Variants in MIDEAS observed in about 807,000 individuals in gnomAD.
The protein encoded by MIDEAS is mitotic deacetylase associated SANT domain protein, also known as mitotic deacetylase-associated SANT domain protein.
Under a neutral mutation model 102.7 loss-of-function variants are expected in MIDEAS, and 26 were observed. The observed-to-expected ratio is 0.25, with a 90% CI of 0.19 to 0.35. MIDEAS has a LOEUF of 0.35. MIDEAS is among the 10% of genes least tolerant of loss of function. The pLI is 1.00. For missense variants in MIDEAS, 1,231 were observed against 1,435.6 expected (o/e 0.86, Z 2.30); for synonymous variants, 585 against 591.0 (o/e 0.99, Z 0.15).
intron 3 of MIDEAS, among the ~76,000 whole-genome samples, chr14:73,732,661 C>T (rs1712761489): frequency 6.6e-6 from 1 of 151,334 alleles, no homozygotes; most frequent in Non-Finnish European, 1.5e-5. Flanking sequence ...TGGTGGGCGC[C>T]TGTAATCCCA....
intron 1 of MIDEAS, among the ~76,000 whole-genome samples, chr14:73,782,354 A>T (rs1048875785): frequency 1.3e-5 from 2 of 152,078 alleles, no homozygotes; most frequent in African/African-American, 4.8e-5. Context: ...TGCCCTCCTC[A>T]CAGTCTATAT....
At chr14:73,776,323 C>T (rs2053688151) in intron 1 of MIDEAS, among the ~76,000 whole-genome samples, 1 of 151,900 alleles carries the variant, frequency 6.6e-6, no homozygotes, top group Non-Finnish European at 1.5e-5. Context: ...CTTCTGGGCA[C>T]ATAACATTCC....
intron 1 of MIDEAS, among the ~76,000 whole-genome samples, chr14:73,780,457 GT>G (rs1275039869): frequency 6.6e-6 from 1 of 152,216 alleles, no homozygotes; most frequent in Non-Finnish European, 1.5e-5. Context: ...CCCCGTCATG[GT>G]TTATAAGGGA....
intron 3 of MIDEAS, among the ~76,000 whole-genome samples, chr14:73,730,777 G>A (rs1236846129): frequency 1.3e-5 from 2 of 152,258 alleles, no homozygotes; most frequent in South Asian, 2.1e-4. Flanking sequence ...TGGCCAACAT[G>A]GCAAAACCCT....
upstream of MIDEAS, among the ~76,000 whole-genome samples, chr14:73,764,330 A>C (rs1431246776): frequency 4.1e-5 from 5 of 122,176 alleles, no homozygotes; most frequent in Non-Finnish European, 6.6e-5. Context: ...ACAGAGGGAG[A>C]CCCTGTCTCA....
chr14:73,747,306 C>T (rs1417905166), intron 1 of MIDEAS, among the ~76,000 whole-genome samples: 3 of 152,116 alleles, frequency 2.0e-5, no homozygotes, highest in Non-Finnish European at 2.9e-5. Context: ...GTCCAGGAGC[C>T]GCCACTCACT....
chr14:73,746,622 C>T (rs935138637), intron 1 of MIDEAS, among the ~76,000 whole-genome samples: 4 of 152,220 alleles, frequency 2.6e-5, no homozygotes, highest in Non-Finnish European at 4.4e-5. Flanking sequence ...CCTCCCTTCC[C>T]TTCTGGAAAG....
Position 73,718,921 on chromosome 14 carries a change from C to T in MIDEAS, c.3222G>A (p.Glu1074=). 1 of 1,525,126 alleles carries T rather than the reference C, an allele frequency of 6.6e-7. No homozygotes were observed. The highest frequency in any genetic ancestry group is 8.8e-7 in the Non-Finnish European group (1 of 1,142,804). The allele number at this position is 1,525,126 out of a possible 1,614,324, so 94.5% of individuals were successfully genotyped here. ...CGGCGGCGGCAGCAGCGGCCTCTTT[C>T]TCCTTCAGCCTCAGCGCTGCAGCCT... ...EKKAAALRLK[E]KEAAAAAAAA... Residue 1074 remains glutamate, a synonymous_variant, in exon 13 of 13, where the codon GAG becomes GAA. Coordinates refer to ENST00000423556, the MANE Select transcript of MIDEAS (RefSeq NM_001367710.1).
At chr14:73,766,153 T>C (rs1184499102) in intron 1 of MIDEAS, among the ~76,000 whole-genome samples, 2 of 152,232 alleles carry the variant, frequency 1.3e-5, no homozygotes, top group African/African-American at 4.8e-5. Flanking sequence ...TAAACTCCCA[T>C]GGCATCCTCT....
At chr14:73,782,316 G>A (rs2053764491) in intron 1 of MIDEAS, among the ~76,000 whole-genome samples, 1 of 151,968 alleles carries the variant, frequency 6.6e-6, no homozygotes, top group South Asian at 2.1e-4. Context: ...GGCAAAACAA[G>A]CATGCGGCCA....
In MIDEAS at chr14:73,779,914, C is replaced by T. The variant is rs377343140; in HGVS notation, c.-248+7188G>A. Among the ~76,000 whole-genome samples, 134 of 139,118 alleles carry T rather than the reference C, an allele frequency of 9.6e-4. 2 individuals are homozygous for T. Among genetic ancestry groups the T allele is most frequent in the Middle Eastern group, 4.3e-3 (1 of 232 alleles). 91.3% of individuals were successfully genotyped at this position (139,118 alleles called of 152,430 possible). ...TTGAGACAGAGTCTTGCTCTGTTGC[C>T]CAGGCTGGAGTGCAGTGGCACCATC... On this transcript the variant is annotated intron_variant, in intron 1 of 11. Coordinates refer to the MIDEAS transcript ENST00000394071.
chr14:73,769,266 G>A (rs2053620352), intron 1 of MIDEAS, among the ~76,000 whole-genome samples: 1 of 152,230 alleles, frequency 6.6e-6, no homozygotes, highest in East Asian at 1.9e-4. Context: ...AGGAAGAGAG[G>A]ACTTGCCGTT....
chr14:73,778,362 C>CAAAA (rs1389802174), intron 1 of MIDEAS, among the ~76,000 whole-genome samples: 1 of 106,084 alleles, frequency 9.4e-6, no homozygotes. Context: ...GACTCTGTCT[C>CAAAA]AAAAAAAAAA....
At position 73,739,339 on chromosome 14, in the gene MIDEAS, G is replaced by C; in HGVS notation, c.670C>G (p.Gln224Glu). The change falls in exon 2 of 13, where the codon CAG becomes GAG. Residue 224 changes from glutamine to glutamate, a missense_variant. This residue lies in a region of MIDEAS where 758 missense variants were observed against 856.0 expected (regional missense o/e 0.89). Transcript: ENST00000423556. ...LQPFQLAFGHQVNRQVFRQGP... is the reference protein window; with the variant it reads ...LQPFQLAFGHEVNRQVFRQGP... ...TGCCGGAAGACCTGCCGGTTCACCT[G>C]GTGGCCGAATGCCAGCTGGAAGGGT... 6.2e-7 allele frequency: 1 copy of C among 1,605,690 alleles called. No individual in the cohort carries two copies. The highest frequency in any genetic ancestry group is 8.5e-7 in the Non-Finnish European group (1 of 1,175,044).
At chr14:73,776,330 T>A (rs2053688204) in intron 1 of MIDEAS, among the ~76,000 whole-genome samples, 1 of 151,916 alleles carries the variant, frequency 6.6e-6, no homozygotes, top group Non-Finnish European at 1.5e-5. Flanking sequence ...GCACATAACA[T>A]TCCTAAAGCT....
intron 1 of MIDEAS, among the ~76,000 whole-genome samples, chr14:73,780,552 G>A (rs2053746000): frequency 6.6e-6 from 1 of 152,228 alleles, no homozygotes; most frequent in Non-Finnish European, 1.5e-5. Flanking sequence ...CCTCCTGGGG[G>A]TAAGGAGCAT....
rs1376150397 is a variant in MIDEAS at position 73,726,841 on chromosome 14, T to C, written c.2294A>G (p.Lys765Arg). ...AGGCCCCTCCTCACCTTGCCTCTGCTTCTCCCGGCTGCTCTCTAGGTCCTC... is the reference window on the plus strand; with the variant it reads ...AGGCCCCTCCTCACCTTGCCTCTGCCTCTCCCGGCTGCTCTCTAGGTCCTC... ...PWEDLESSRE[K>R]QRQVEDLLTA... The change falls in exon 6 of 13, where the codon AAG (lysine) becomes AGG (arginine). Residue 765 changes from lysine (K) to arginine (R), a missense_variant. By Grantham distance (26) the Lys-to-Arg change is conservative. Coordinates refer to ENST00000423556, the MANE Select transcript of MIDEAS (RefSeq NM_001367710.1). 3.7e-6 allele frequency: 6 copies of C among 1,609,878 alleles called. No homozygotes were observed. Among genetic ancestry groups the C allele is most frequent in the Non-Finnish European group, 5.1e-6 (6 of 1,176,874 alleles).
In MIDEAS at chr14:73,722,842, C is replaced by A; in HGVS notation, c.2580G>T (p.Gln860His). 6.2e-7 allele frequency: 1 copy of A among 1,614,038 alleles called. No homozygotes were observed. The highest frequency in any genetic ancestry group is 1.1e-5 in the South Asian group (1 of 91,070). Residue 860 changes from glutamine to histidine, a missense_variant, in exon 10 of 13, where the codon CAG (glutamine) becomes CAT (histidine). Transcript: ENST00000423556. The part of the protein sequence containing the change: ...KDFFLVQKLI[Q>H]TKTVAQCVEF... ...CCACGCACTGGGCCACGGTCTTGGT[C>A]TGGATCTGGTTTGAAGTCAAAACTG...
intron 1 of MIDEAS, among the ~76,000 whole-genome samples, chr14:73,785,761 C>T (rs1164720877): frequency 6.6e-6 from 1 of 151,834 alleles, no homozygotes; most frequent in Non-Finnish European, 1.5e-5. Context: ...GGGTAGAGTT[C>T]CTGGGATAGT....
Sources: allele counts gnomAD v4.1 joint callset (sites outside exome capture counted in the v4.1 genomes callset), GRCh38; gene constraint gnomAD v4.1.1; regional missense constraint gnomAD v4.1.1; transcripts MANE v1.5; gene names NCBI Gene and HGNC (gene_info 2026-07-23, HGNC 2026-07-21).